CDC5L: variants seen among roughly 807,000 people sequenced by gnomAD.
CDC5L encodes the protein cell division cycle 5 like.
A neutral mutation model predicts 104.1 loss-of-function variants in CDC5L; 18 were observed. The observed-to-expected ratio is 0.17, with a 90% CI of 0.12 to 0.26. The LOEUF is 0.26. CDC5L is among the 10% of genes least tolerant of loss of function. The probability of loss-of-function intolerance (pLI) is 1.00; values close to 1 mark genes in which losing one functional copy is unlikely to be tolerated. For missense variants in CDC5L, 673 were observed against 956.9 expected (o/e 0.70, Z 3.91); for synonymous variants, 331 against 322.7 (o/e 1.03, Z -0.28).
At position 44,389,654 on chromosome 6, in the gene CDC5L, G is replaced by A. The variant is rs150456783; in HGVS notation, c.46-614G>A. Among the ~76,000 whole-genome samples the A allele has an allele frequency of 4.1e-3, 622 of 152,180 alleles. 2 individuals carry two copies. The highest frequency in any genetic ancestry group is 0.015 in the African/African-American group (605 of 41,502). On this transcript the variant is annotated intron_variant, in intron 1 of 15. Transcript: ENST00000371477. Reference sequence around the variant, plus strand: ...GTAGAAATATGTAATTCTTAGGTTAGACCTGAGATGTGGATTCTTGGGTCA... The same window carrying A: ...GTAGAAATATGTAATTCTTAGGTTAAACCTGAGATGTGGATTCTTGGGTCA...
At position 44,426,192 on chromosome 6, in the gene CDC5L, T is replaced by C. The variant is rs1477171341; in HGVS notation, c.1650+9T>C. 3 of 1,582,478 alleles carry C rather than the reference T, an allele frequency of 1.9e-6. No individual in the cohort carries two copies. The South Asian group carries it at 3.4e-5, about 18-fold the overall frequency. On this transcript the variant is annotated intron_variant, in intron 12 of 15. Transcript: ENST00000371477. ...TGCCAAGACCATCAGAAGTAAGTGT[T>C]AGAATTTCTGGTTTAGGAAGTTTTA...
intron 8 of CDC5L, among the ~76,000 whole-genome samples, chr6:44,413,892 C>T (rs1007699806): frequency 6.6e-6 from 1 of 152,088 alleles, no homozygotes; most frequent in Non-Finnish European, 1.5e-5. Flanking sequence ...GCACATTGTA[C>T]GTTTTTATTA....
intron 5 of CDC5L, among the ~76,000 whole-genome samples, chr6:44,400,131 T>G (rs953516428): frequency 6.6e-6 from 1 of 152,222 alleles, no homozygotes; most frequent in Non-Finnish European, 1.5e-5. Context: ...ATACCTTCCT[T>G]TACTTCTTGG....
chr6:44,432,338 C>G (rs1298465162), intron 14 of CDC5L, among the ~76,000 whole-genome samples: 1 of 152,104 alleles, frequency 6.6e-6, no homozygotes, highest in East Asian at 1.9e-4. Context: ...CTTAAATTAT[C>G]CTTTCCACTC....
chr6:44,390,469 G>A, intron 2 of CDC5L, 98 bp downstream of exon 2: 1 of 772,798 alleles, frequency 1.3e-6, no homozygotes, highest in Non-Finnish European at 2.1e-6. Context: ...AGCAGACATT[G>A]TAATATAACA....
At chr6:44,387,940 C>CG (rs3215907) in intron 1 of CDC5L, 72 bp downstream of exon 1, 27,140 of 1,463,786 alleles carry the variant, frequency 0.019, 1,495 homozygotes, top group African/African-American at 0.18. Context: ...GCGCGGAGGT[C>CG]GGGGGGGCGA....
At chr6:44,396,165 T>G (rs959966147) in intron 4 of CDC5L, among the ~76,000 whole-genome samples, 176 bp from the exon 5 acceptor site, 1 of 152,226 alleles carries the variant, frequency 6.6e-6, no homozygotes, top group Non-Finnish European at 1.5e-5. Flanking sequence ...GGCCTGGTTT[T>G]TAACCTAGGT....
intron 13 of CDC5L, among the ~76,000 whole-genome samples, chr6:44,427,568 A>G (rs1792482744): frequency 6.6e-6 from 1 of 152,174 alleles, no homozygotes; most frequent in African/African-American, 2.4e-5. Flanking sequence ...TCTTTATTGC[A>G]TAAGTAATAC....
At chr6:44,391,131 G>A (rs1790597002) in intron 2 of CDC5L, among the ~76,000 whole-genome samples, 1 of 141,776 alleles carries the variant, frequency 7.1e-6, no homozygotes, top group Non-Finnish European at 1.5e-5. Context: ...TATTTAATAT[G>A]TTATATATTA....
chr6:44,429,058 G>C (rs1792557343), intron 13 of CDC5L, among the ~76,000 whole-genome samples: 1 of 113,248 alleles, frequency 8.8e-6, no homozygotes, highest in Admixed American at 1.3e-4. Flanking sequence ...GTCTCACTCT[G>C]TTGCACAGGC....
chr6:44,393,490 A>G lies in CDC5L; in HGVS notation c.356A>G (p.Asp119Gly). 6.2e-7 allele frequency: 1 copy of G among 1,614,038 alleles called. No homozygotes were observed. ...GACAATGAAGAGGAAACAACAGATGATCCACGAAAACTTAAACCTGGAGAA... is the reference window on the plus strand; with the variant it reads ...GACAATGAAGAGGAAACAACAGATGGTCCACGAAAACTTAAACCTGGAGAA... ...QRDNEEETTD[D>G]PRKLKPGEID... Residue 119 changes from aspartate (D) to glycine (G), a missense_variant, in exon 4 of 16, where the codon GAT (aspartate) becomes GGT (glycine). Physicochemically the swap from Asp to Gly is moderately conservative, Grantham distance 94 (BLOSUM62 -1). Coordinates refer to ENST00000371477, the MANE Select transcript of CDC5L (RefSeq NM_001253.4).
At chr6:44,404,926 C>T (rs1266094204) in intron 6 of CDC5L, among the ~76,000 whole-genome samples, 2 of 152,096 alleles carry the variant, frequency 1.3e-5, no homozygotes, top group Non-Finnish European at 2.9e-5. Flanking sequence ...CTCCTAGGCT[C>T]AAGCTACCCT....
At chr6:44,417,387 G>C (rs1791956348) in intron 8 of CDC5L, among the ~76,000 whole-genome samples, 1 of 152,136 alleles carries the variant, frequency 6.6e-6, no homozygotes, top group Non-Finnish European at 1.5e-5. Context: ...TGAGTGCGGT[G>C]GGAAGCTGCG....
intron 11 of CDC5L, 144 bp downstream of exon 11, chr6:44,424,727 C>G (rs1307250782): frequency 1.5e-6 from 1 of 662,728 alleles, no homozygotes; most frequent in Non-Finnish European, 2.5e-6. Flanking sequence ...TAACTTATGT[C>G]ATTAATAATG....
At chr6:44,445,004 A>G (rs1055746797) in intron 14 of CDC5L, among the ~76,000 whole-genome samples, 1 of 152,220 alleles carries the variant, frequency 6.6e-6, no homozygotes, top group Non-Finnish European at 1.5e-5. Flanking sequence ...GCTGTCGAGT[A>G]GCCACTGGTA....
intron 14 of CDC5L, among the ~76,000 whole-genome samples, chr6:44,430,253 T>C (rs1029249490): frequency 6.6e-6 from 1 of 152,002 alleles, no homozygotes; most frequent in Non-Finnish European, 1.5e-5. Context: ...TAGCATAGCC[T>C]GTTTTCTCTG....
chr6:44,408,329 T>C, intron 7 of CDC5L, 115 bp from the exon 8 acceptor site: 1 of 625,134 alleles, frequency 1.6e-6, no homozygotes. Flanking sequence ...CCCGAACTCC[T>C]GGGCTCAAAC....
intron 14 of CDC5L, among the ~76,000 whole-genome samples, chr6:44,439,981 A>G (rs1028515773): frequency 3.3e-5 from 5 of 152,180 alleles, no homozygotes; most frequent in Admixed American, 6.5e-5. Context: ...TAACTCCCTT[A>G]GGAGACATAT....
intron 12 of CDC5L, 72 bp downstream of exon 12, chr6:44,426,255 C>A: frequency 9.0e-7 from 1 of 1,111,290 alleles, no homozygotes; most frequent in Non-Finnish European, 1.3e-6. Context: ...TTACATCATT[C>A]ATAAAGACTA....
Sources: gnomAD v4.1 joint callset for allele counts (sites outside exome capture counted in the v4.1 genomes callset) on GRCh38, gnomAD v4.1.1 for gene constraint, MANE v1.5 for transcripts, NCBI Gene and HGNC (gene_info 2026-07-23, HGNC 2026-07-21) for gene names.